Variants in PCDHA9 observed in about 807,000 individuals in gnomAD.
The protein encoded by PCDHA9 is protocadherin alpha 9.
In PCDHA9, 62 loss-of-function variants were observed where a neutral mutation model predicts 62.0. The observed-to-expected ratio is 1.00, with a 90% CI of 0.81 to 1.23. PCDHA9 has a LOEUF of 1.23. Among genes scored for constraint, PCDHA9 ranks in the 50% most tolerant of loss-of-function variants. PCDHA9 has a pLI of 0.00. For synonymous variants in PCDHA9, 557 were observed against 567.6 expected (o/e 0.98, Z 0.27); for missense variants, 1,205 against 1,249.8 (o/e 0.96, Z 0.54).
chr5:140,851,932 TGTA>T lies in PCDHA9; in HGVS notation c.2394+1047_2394+1049del. ...TCACTACATGTTATGTTTCCTGAAT[TGTA>T]GTATGTGACTTTCAAAATGGTGGTT... On this transcript the variant is annotated intron_variant, in intron 1 of 3. Transcript: ENST00000532602. 5.2e-6 allele frequency: 5 copies of T among 965,638 alleles called. 1 individual carries two copies. The highest frequency in any genetic ancestry group is 5.0e-6 in the Non-Finnish European group (4 of 798,866). The allele number at this position is 965,638 out of a possible 1,614,324, so 59.8% of individuals were successfully genotyped here. A position where few individuals can be genotyped will look rare whatever the true frequency, so the allele number is the denominator to read the frequency against.
chr5:140,860,681 T>G (rs2046516125), intron 1 of PCDHA9: 1 of 152,216 alleles, frequency 6.6e-6, no homozygotes, highest in Non-Finnish European at 1.5e-5. Context: ...TGCACTTATG[T>G]TTTGAGCGAC....
intron 1 of PCDHA9, among the ~76,000 whole-genome samples, chr5:140,921,048 T>C (rs1554200052): frequency 6.6e-6 from 1 of 152,052 alleles, no homozygotes; most frequent in African/African-American, 2.4e-5. Context: ...GGGGCAATCA[T>C]AGCTCACTCT....
intron 1 of PCDHA9, among the ~76,000 whole-genome samples, chr5:140,974,767 T>C (rs559758887): frequency 1.2e-4 from 18 of 152,098 alleles, no homozygotes; most frequent in Non-Finnish European, 2.4e-4. Flanking sequence ...GGATTACAGG[T>C]ATGAGCCACT....
chr5:140,945,701 CA>C (rs1563215722), intron 1 of PCDHA9, among the ~76,000 whole-genome samples: 1 of 151,988 alleles, frequency 6.6e-6, no homozygotes, highest in Non-Finnish European at 1.5e-5. Context: ...CACTGATTTG[CA>C]ACAAAAGTAT....
chr5:140,927,513 C>G, intron 1 of PCDHA9: 1 of 1,614,062 alleles, frequency 6.2e-7, no homozygotes, highest in Non-Finnish European at 8.5e-7. Context: ...CAGCTCGGGA[C>G]GGCGGGCTAC....
Position 140,928,606 on chromosome 5 carries a change from C to T in PCDHA9, c.2395-50343C>T, listed in dbSNP as rs782809256. ...TTCTGTCCCAGTGGAAATTGTGCCC[C>T]GCTCTGCCAGGACTGGACACTTGGT... On this transcript the variant is annotated intron_variant, in intron 1 of 3. Coordinates refer to ENST00000532602, the MANE Select transcript of PCDHA9 (RefSeq NM_031857.2). 7.4e-6 allele frequency: 12 copies of T among 1,614,204 alleles called. No homozygotes were observed. In the South Asian group the frequency reaches 1.2e-4, roughly 16 times the overall value.
intron 1 of PCDHA9, among the ~76,000 whole-genome samples, chr5:140,896,197 T>G (rs911999135): frequency 2.0e-5 from 3 of 152,280 alleles, no homozygotes; most frequent in Non-Finnish European, 2.9e-5. Flanking sequence ...AGTGCCATGA[T>G]GAACATACAC....
intron 1 of PCDHA9, among the ~76,000 whole-genome samples, chr5:140,932,053 C>T (rs1358715698): frequency 6.6e-6 from 1 of 151,780 alleles, no homozygotes; most frequent in Non-Finnish European, 1.5e-5. Flanking sequence ...GCCTGTAATA[C>T]TAAAAATTAT....
chr5:140,892,536 A>G (rs916916323), intron 1 of PCDHA9, among the ~76,000 whole-genome samples: 1 of 152,208 alleles, frequency 6.6e-6, no homozygotes, highest in African/African-American at 2.4e-5. Flanking sequence ...CAGGATTCTG[A>G]CTTTTGTTTC....
chr5:140,884,244 T>C, intron 1 of PCDHA9: 1 of 1,613,386 alleles, frequency 6.2e-7, no homozygotes, highest in Non-Finnish European at 8.5e-7. Flanking sequence ...GAGCCCGCGC[T>C]GACGGCCACG....
intron 1 of PCDHA9, among the ~76,000 whole-genome samples, chr5:140,921,330 C>T (rs1285696901): frequency 6.6e-6 from 1 of 152,026 alleles, no homozygotes; most frequent in Non-Finnish European, 1.5e-5. Flanking sequence ...TCTGTCTGGT[C>T]CAATCACATA....
chr5:140,939,607 A>G (rs1396731179), intron 1 of PCDHA9, among the ~76,000 whole-genome samples: 2 of 152,244 alleles, frequency 1.3e-5, no homozygotes, highest in Non-Finnish European at 2.9e-5. Flanking sequence ...CAAAAACAGA[A>G]CAAGGAGACA....
intron 1 of PCDHA9, chr5:140,877,432 C>T: frequency 6.2e-7 from 1 of 1,613,874 alleles, no homozygotes; most frequent in Non-Finnish European, 8.5e-7. Flanking sequence ...GGTGAAGGAC[C>T]ACGGTGAGCC....
At chr5:141,005,315 G>A (rs1554259986) in intron 3 of PCDHA9, among the ~76,000 whole-genome samples, 1 of 152,186 alleles carries the variant, frequency 6.6e-6, no homozygotes, top group Non-Finnish European at 1.5e-5. Flanking sequence ...TCTTACAGTG[G>A]TAGAGAATAA....
rs1325743256 is a variant in PCDHA9 at position 140,849,105 on chromosome 5, G to T, written c.610G>T (p.Glu204Ter). 6 of 1,455,392 alleles carry T rather than the reference G, an allele frequency of 4.1e-6. No individual in the cohort carries two copies. The East Asian group carries it at 1.4e-4, about 34-fold the overall frequency. 90.2% of individuals were successfully genotyped at this position (1,455,392 alleles called of 1,614,324 possible). ...ATTACGGAAACTTTTAGACAGAGAA[G>T]AAACTCCGGAGCTTCATTTATTGCT... ...LVLRKLLDRE[E>*]TPELHLLLTA... The change falls in exon 1 of 4, where the codon GAA becomes TAA. Residue 204 changes from glutamate to a stop codon, truncating the protein, a stop_gained. Coordinates refer to ENST00000532602, the MANE Select transcript of PCDHA9 (RefSeq NM_031857.2). LOFTEE classifies it high-confidence loss of function.
At chr5:140,876,117 C>T in intron 1 of PCDHA9, 1 of 1,613,922 alleles carries the variant, frequency 6.2e-7, no homozygotes, top group Non-Finnish European at 8.5e-7. Flanking sequence ...TGATGGTAAT[C>T]GATGGCGGTA....
At position 140,969,194 on chromosome 5, in the gene PCDHA9, A is replaced by G. The variant is rs782262250; in HGVS notation, c.2395-9755A>G. On this transcript the variant is annotated intron_variant, in intron 1 of 3. Coordinates refer to ENST00000532602, the MANE Select transcript of PCDHA9 (RefSeq NM_031857.2). ...AGGGAGTGACACTTTCATGTTTTAC[A>G]ATACAGGGGCCCAGACAGGACCAGG... 1.8e-5 allele frequency: 29 copies of G among 1,614,026 alleles called. No homozygotes were observed. The highest frequency in any genetic ancestry group is 2.3e-5 in the Non-Finnish European group (27 of 1,180,018).
intron 2 of PCDHA9, among the ~76,000 whole-genome samples, chr5:140,982,082 C>G (rs188673632): frequency 6.6e-6 from 1 of 152,276 alleles, no homozygotes; most frequent in Admixed American, 6.5e-5. Flanking sequence ...AGTAGAGAAC[C>G]TAGGAACAAG....
intron 3 of PCDHA9, among the ~76,000 whole-genome samples, chr5:141,004,049 A>T (rs1372116883): frequency 6.6e-6 from 1 of 152,208 alleles, no homozygotes; most frequent in African/African-American, 2.4e-5. Flanking sequence ...TCATTTGCTG[A>T]TACTGGCCCC....
Sources: gnomAD v4.1 joint callset for allele counts (sites outside exome capture counted in the v4.1 genomes callset) on GRCh38, gnomAD v4.1.1 for gene constraint, MANE v1.5 for transcripts, NCBI Gene and HGNC (gene_info 2026-07-23, HGNC 2026-07-21) for gene names.